The following PI4KA variants were observed in gnomAD, a reference collection of about 807,000 sequenced individuals.
PI4KA encodes the protein PI4-kinase alpha.
In PI4KA, 122 loss-of-function variants were observed where a neutral mutation model predicts 271.4. The ratio of observed to expected loss-of-function variants is 0.45; its 90% CI spans 0.39 to 0.52. The LOEUF is 0.52. Ranked by LOEUF, PI4KA falls within the 20% of genes least tolerant of loss-of-function variation. The pLI is 0.00. For missense variants in PI4KA, 1,969 were observed against 2,769.1 expected (o/e 0.71, Z 6.48); for synonymous variants, 1,041 against 1,078.8 (o/e 0.96, Z 0.69).
At chr22:20,826,106 G>A (rs924706108) in intron 3 of PI4KA, among the ~76,000 whole-genome samples, 1 of 152,170 alleles carries the variant, frequency 6.6e-6, no homozygotes, top group East Asian at 1.9e-4. Flanking sequence ...ACTTTGGGAG[G>A]CTGAGGCAGG....
At chr22:20,734,757 C>T in intron 32 of PI4KA, 1 of 800,416 alleles carries the variant, frequency 1.2e-6, no homozygotes, top group South Asian at 1.9e-5. Flanking sequence ...TCTCCAGCCT[C>T]TCGAGGCTGC....
At chr22:20,771,195 C>A (rs551537137) in intron 19 of PI4KA, among the ~76,000 whole-genome samples, 4 of 151,852 alleles carry the variant, frequency 2.6e-5, no homozygotes, top group African/African-American at 9.7e-5. Flanking sequence ...GAGGCCGATG[C>A]GGGCGGATCA....
chr22:20,718,052 C>T (rs903625358), intron 44 of PI4KA, among the ~76,000 whole-genome samples: 10 of 152,170 alleles, frequency 6.6e-5, no homozygotes, highest in African/African-American at 2.2e-4. Flanking sequence ...ATAATGCCTG[C>T]CACCTGCTGC....
intron 3 of PI4KA, among the ~76,000 whole-genome samples, chr22:20,832,934 G>C (rs575254284): frequency 2.0e-5 from 3 of 152,298 alleles, no homozygotes; most frequent in South Asian, 4.1e-4. Flanking sequence ...TGGGGAACTA[G>C]TGCAGTCAAC....
chr22:20,792,016 G>A (rs1934677017), intron 19 of PI4KA, among the ~76,000 whole-genome samples: 1 of 152,122 alleles, frequency 6.6e-6, no homozygotes, highest in African/African-American at 2.4e-5. Context: ...CATGACAACT[G>A]CTTGAACCCA....
Position 20,734,465 on chromosome 22 carries a change from AG to A in PI4KA, c.3829del (p.Leu1277TrpfsTer16). The A allele has an allele frequency of 1.2e-6, 2 of 1,613,516 alleles. No homozygotes were observed. The highest frequency in any genetic ancestry group is 8.5e-7 in the Non-Finnish European group (1 of 1,179,734). The part of the protein sequence containing the change: ...FSAEIKEADP[L>X]AASEASQPKP... ...GGGTTGACTTGCTTCCGAGGCAGCC[AG>A]GGGGTCTGCTTCCTTTATCTCAGCA... On this transcript the variant is annotated frameshift_variant, in exon 33 of 55. Transcript: ENST00000255882. LOFTEE classifies it high-confidence loss of function.
chr22:20,727,269 C>A lies in PI4KA; in HGVS notation c.4902G>T (p.Thr1634=), dbSNP rs911517070. Residue 1634 remains threonine, a synonymous_variant, in exon 41 of 55, where the codon ACG becomes ACT. Coordinates refer to ENST00000255882, the MANE Select transcript of PI4KA (RefSeq NM_058004.4). The part of the protein sequence containing the change: ...FSSMYPPHPL[T]AQYGVKVLRS... ...GCAGGACTTTCACCCCGTACTGCGC[C>A]GTGAGAGGGTGCGGCGGGTACATGC... The A allele has an allele frequency of 3.7e-6, 6 of 1,613,338 alleles. No homozygotes were observed. Among genetic ancestry groups the A allele is most frequent in the Admixed American group, 1.7e-5 (1 of 59,866 alleles).
At chr22:20,832,407 G>A (rs1047782390) in intron 3 of PI4KA, among the ~76,000 whole-genome samples, 5 of 151,866 alleles carry the variant, frequency 3.3e-5, no homozygotes, top group Non-Finnish European at 7.4e-5. Flanking sequence ...GAGCCACTGC[G>A]CCCAGCCGAA....
intron 10 of PI4KA, among the ~76,000 whole-genome samples, chr22:20,805,628 C>T (rs1050209022): frequency 3.3e-5 from 5 of 151,470 alleles, no homozygotes; most frequent in Non-Finnish European, 5.9e-5. Context: ...GTCAGGAGAT[C>T]GAGACCATCC....
At chr22:20,737,685 G>A (rs1268827644) in intron 32 of PI4KA, among the ~76,000 whole-genome samples, 31 of 151,032 alleles carry the variant, frequency 2.1e-4, no homozygotes, top group Admixed American at 1.1e-3. Context: ...AGGCTGGAGT[G>A]CAATGGTGCG....
chr22:20,766,906 C>T (rs1023753492), intron 19 of PI4KA, among the ~76,000 whole-genome samples: 2 of 152,182 alleles, frequency 1.3e-5, no homozygotes, highest in Non-Finnish European at 2.9e-5. Context: ...GGCTGTGACA[C>T]ATCATGCACA....
intron 19 of PI4KA, among the ~76,000 whole-genome samples, chr22:20,790,127 C>G (rs369708379): frequency 8.5e-4 from 130 of 152,244 alleles, no homozygotes; most frequent in African/African-American, 2.8e-3. Flanking sequence ...ATATTATTCA[C>G]AAAGTTGCGG....
rs903455323 is a variant in PI4KA at position 20,775,293 on chromosome 22, T to C, written c.2329-9600A>G. Among the ~76,000 whole-genome samples the C allele has an allele frequency of 2.0e-5, 3 of 152,212 alleles. No individual in the cohort carries two copies. The South Asian group carries it at 6.2e-4, about 32-fold the overall frequency. ...GGATTTAATCACAACCTAGTGATAG[T>C]TTTTAAACGTCTTCTACAATGTTTG... On this transcript the variant is annotated intron_variant, in intron 19 of 54. Transcript: ENST00000255882.
chr22:20,710,017 A>G lies in PI4KA; in HGVS notation c.6084-20T>C. 6.4e-7 allele frequency: 1 copy of G among 1,559,144 alleles called. No homozygotes were observed. On this transcript the variant is annotated intron_variant, in intron 52 of 54. Coordinates refer to ENST00000255882, the MANE Select transcript of PI4KA (RefSeq NM_058004.4). Reference sequence around the variant, plus strand: ...TAGGGCCTGGGGAGAGATAGGAGGGAGCGGTGGGCTGAGGCCAGCCTAGGT... The same window carrying G: ...TAGGGCCTGGGGAGAGATAGGAGGGGGCGGTGGGCTGAGGCCAGCCTAGGT...
In PI4KA at chr22:20,742,772, AAC is replaced by A; in HGVS notation, c.3457-10_3457-9del. The A allele has an allele frequency of 1.2e-6, 2 of 1,613,848 alleles. No homozygotes were observed. Among genetic ancestry groups the A allele is most frequent in the Non-Finnish European group, 8.5e-7 (1 of 1,179,770 alleles). On this transcript the variant is annotated splice_polypyrimidine_tract_variant and intron_variant, in intron 30 of 54. Transcript: ENST00000255882. ...CCGAATCATTCCATACACCTGCAAA[AAC>A]ATTCTCATCAGCAACTAAGCATATA...
intron 30 of PI4KA, 153 bp from the exon 31 acceptor site, chr22:20,742,917 AT>A: frequency 1.5e-6 from 1 of 659,854 alleles, no homozygotes; most frequent in Non-Finnish European, 2.7e-6. Flanking sequence ...GCTCATTTCA[AT>A]GATGCTACCA....
intron 33 of PI4KA, 87 bp downstream of exon 33, chr22:20,734,308 C>G: frequency 7.3e-7 from 1 of 1,370,796 alleles, no homozygotes. Flanking sequence ...TGCCGAAGGC[C>G]TTGGGCTCGG....
chr22:20,785,245 T>C (rs1026147609), intron 19 of PI4KA, among the ~76,000 whole-genome samples: 1 of 152,102 alleles, frequency 6.6e-6, no homozygotes, highest in Admixed American at 6.5e-5. Context: ...AATTAAACTT[T>C]TTTTGGTAGA....
At position 20,734,782 on chromosome 22, in the gene PI4KA, G is replaced by A. The variant is rs186479425; in HGVS notation, c.3742-229C>T. ...CTCGAGGCTGCCTTCTGTTCAACCC[G>A]GTTCACCGTGTGGACATTGCAGGTG... On this transcript the variant is annotated intron_variant, in intron 32 of 54. Coordinates refer to ENST00000255882, the MANE Select transcript of PI4KA (RefSeq NM_058004.4). The A allele has an allele frequency of 2.0e-3, 1,358 of 687,518 alleles. 19 individuals carry two copies. The African/African-American group carries it at 0.022, about 11-fold the overall frequency. 42.6% of individuals were successfully genotyped at this position (687,518 alleles called of 1,614,324 possible).
Sources: allele counts gnomAD v4.1 joint callset (sites outside exome capture counted in the v4.1 genomes callset), GRCh38; gene constraint gnomAD v4.1.1; transcripts MANE v1.5; gene names NCBI Gene and HGNC (gene_info 2026-07-23, HGNC 2026-07-21).